The following PI4K2B variants were observed in gnomAD, a reference collection of about 807,000 sequenced individuals.
PI4K2B encodes the protein phosphatidylinositol 4-kinase type 2-beta.
In PI4K2B, 46 loss-of-function variants were observed where a neutral mutation model predicts 56.6. The ratio of observed to expected loss-of-function variants is 0.81; its 90% CI spans 0.64 to 1.04. PI4K2B has a LOEUF of 1.04. Ranked by LOEUF, PI4K2B falls within the 50% of genes least tolerant of loss-of-function variation. PI4K2B has a pLI of 0.00. For missense variants in PI4K2B, 556 were observed against 607.7 expected (o/e 0.91, Z 0.89); for synonymous variants, 211 against 223.8 (o/e 0.94, Z 0.51).
intron 7 of PI4K2B, 38 bp downstream of exon 7, chr4:25,263,887 C>CT (rs1173659602): frequency 4.6e-6 from 4 of 867,596 alleles, no homozygotes; most frequent in Admixed American, 2.4e-5. Context: ...CTATAATTAC[C>CT]TTTTTTCCAG....
chr4:25,238,448 T>C (rs1434960195), intron 1 of PI4K2B, among the ~76,000 whole-genome samples: 1 of 152,142 alleles, frequency 6.6e-6, no homozygotes, highest in Non-Finnish European at 1.5e-5. Context: ...CCGGAATTGG[T>C]GGGTTCTTGG....
chr4:25,247,207 TA>T (rs1378679049), intron 1 of PI4K2B, among the ~76,000 whole-genome samples: 1 of 152,262 alleles, frequency 6.6e-6, no homozygotes, highest in Non-Finnish European at 1.5e-5. Context: ...AACATACTGA[TA>T]ATCTGGTTTA....
chr4:25,254,045 C>T (rs1716163016), intron 2 of PI4K2B, among the ~76,000 whole-genome samples: 1 of 152,188 alleles, frequency 6.6e-6, no homozygotes. Flanking sequence ...CAGGTGTGAG[C>T]CACAGCGCCT....
At chr4:25,252,725 A>G (rs890178568) in intron 2 of PI4K2B, among the ~76,000 whole-genome samples, 2 of 151,988 alleles carry the variant, frequency 1.3e-5, no homozygotes, top group African/African-American at 4.8e-5. Flanking sequence ...CAATCCTCCC[A>G]TCTCAGCCTC....
chr4:25,234,212 A>T lies in PI4K2B; in HGVS notation c.49A>T (p.Ser17Cys), dbSNP rs1649933253. 2.1e-6 allele frequency: 3 copies of T among 1,410,462 alleles called. No homozygotes were observed. Among genetic ancestry groups the T allele is most frequent in the South Asian group, 1.5e-5 (1 of 66,600 alleles). The allele number at this position is 1,410,462 out of a possible 1,614,324, so 87.4% of individuals were successfully genotyped here. ...CCGGTTGGCGTCCGCGGACGGCGGGAGCCCGGAGGAGGAGGAGGATGGGGA... is the reference window on the plus strand; with the variant it reads ...CCGGTTGGCGTCCGCGGACGGCGGGTGCCCGGAGGAGGAGGAGGATGGGGA... ...PDRLASADGG[S>C]PEEEEDGERE... The change falls in exon 1 of 10, where the codon AGC becomes TGC. Residue 17 changes from serine to cysteine, a missense_variant. Physicochemically the swap from Ser to Cys is moderately radical, Grantham distance 112 (BLOSUM62 -1). Coordinates refer to ENST00000264864, the MANE Select transcript of PI4K2B (RefSeq NM_018323.4).
intron 1 of PI4K2B, among the ~76,000 whole-genome samples, chr4:25,236,365 A>G (rs1715263413): frequency 6.6e-6 from 1 of 152,118 alleles, no homozygotes; most frequent in Non-Finnish European, 1.5e-5. Flanking sequence ...AGCCTGGCCA[A>G]CATGGTGAAA....
chr4:25,245,340 G>T (rs551472926), intron 1 of PI4K2B, among the ~76,000 whole-genome samples: 126 of 152,272 alleles, frequency 8.3e-4, no homozygotes, highest in African/African-American at 2.9e-3. Flanking sequence ...AGTTTGTCTG[G>T]CAGGCACTAG....
At chr4:25,272,099 T>G (rs1716920012) in intron 9 of PI4K2B, among the ~76,000 whole-genome samples, 1 of 151,794 alleles carries the variant, frequency 6.6e-6, no homozygotes, top group Admixed American at 6.6e-5. Flanking sequence ...GAGCTGAGAT[T>G]GCGCCACTGC....
intron 1 of PI4K2B, among the ~76,000 whole-genome samples, chr4:25,250,909 G>C (rs1716024686): frequency 6.6e-6 from 1 of 152,174 alleles, no homozygotes; most frequent in Admixed American, 6.5e-5. Context: ...GGGTAAGCGT[G>C]TGAGATCATG....
At chr4:25,272,635 G>A (rs1432551001) in intron 9 of PI4K2B, among the ~76,000 whole-genome samples, 1 of 152,144 alleles carries the variant, frequency 6.6e-6, no homozygotes, top group Non-Finnish European at 1.5e-5. Context: ...CCTGTGCATA[G>A]CCACTGCACT....
At chr4:25,240,785 C>G (rs534666339) in intron 1 of PI4K2B, among the ~76,000 whole-genome samples, 2 of 152,176 alleles carry the variant, frequency 1.3e-5, no homozygotes, top group Admixed American at 6.5e-5. Flanking sequence ...CTTTCTGACT[C>G]TCTGACTTTG....
intron 9 of PI4K2B, among the ~76,000 whole-genome samples, chr4:25,275,404 C>A (rs1325619700): frequency 2.6e-5 from 4 of 152,072 alleles, no homozygotes; most frequent in Non-Finnish European, 4.4e-5. Context: ...TGGCTCATGC[C>A]TATAATCCCA....
chr4:25,267,761 G>A (rs1326502726), intron 7 of PI4K2B: 5 of 981,220 alleles, frequency 5.1e-6, no homozygotes, highest in African/African-American at 1.7e-5. Flanking sequence ...TGGTCTTCTT[G>A]AGGGAGAATT....
chr4:25,254,992 A>G (rs1716201629), intron 2 of PI4K2B, 73 bp from the exon 3 acceptor site: 1 of 983,178 alleles, frequency 1.0e-6, no homozygotes. Flanking sequence ...AGAACAATTT[A>G]TTAGAATGCA....
At chr4:25,239,895 C>A (rs1055618939) in intron 1 of PI4K2B, among the ~76,000 whole-genome samples, 1 of 152,228 alleles carries the variant, frequency 6.6e-6, no homozygotes, top group Non-Finnish European at 1.5e-5. Context: ...AGTGGCCCTG[C>A]AGTTTTAGTG....
intron 1 of PI4K2B, among the ~76,000 whole-genome samples, chr4:25,241,785 C>CT (rs1442454779): frequency 6.6e-6 from 1 of 152,184 alleles, no homozygotes; most frequent in Non-Finnish European, 1.5e-5. Context: ...TCCCAGGAGT[C>CT]TGAGTAAGGA....
chr4:25,245,470 C>T (rs1715723610), intron 1 of PI4K2B, among the ~76,000 whole-genome samples: 2 of 152,242 alleles, frequency 1.3e-5, no homozygotes, highest in South Asian at 4.1e-4. Context: ...ACCTGCGGAG[C>T]TGCATGGCTT....
At chr4:25,240,877 C>T (rs557588585) in intron 1 of PI4K2B, among the ~76,000 whole-genome samples, 24 of 150,286 alleles carry the variant, frequency 1.6e-4, no homozygotes, top group Admixed American at 6.0e-4. Flanking sequence ...CTGTCTCCTT[C>T]TCTTTGTCTC....
At chr4:25,236,484 T>G (rs942009033) in intron 1 of PI4K2B, among the ~76,000 whole-genome samples, 1 of 150,272 alleles carries the variant, frequency 6.7e-6, no homozygotes, top group African/African-American at 2.5e-5. Flanking sequence ...ACCCGAGAGG[T>G]GTAGGTTGCA....
Sources: gnomAD v4.1 joint callset for allele counts (sites outside exome capture counted in the v4.1 genomes callset) on GRCh38, gnomAD v4.1.1 for gene constraint, MANE v1.5 for transcripts, NCBI Gene and HGNC (gene_info 2026-07-23, HGNC 2026-07-21) for gene names.